SDCCAG8: variants seen among roughly 807,000 people sequenced by gnomAD.
The protein encoded by SDCCAG8 is serologically defined colon cancer antigen 8.
In SDCCAG8, 74 loss-of-function variants were observed where a neutral mutation model predicts 101.8. The ratio of observed to expected loss-of-function variants is 0.73; its 90% CI spans 0.60 to 0.88. The LOEUF (loss-of-function observed/expected upper bound fraction) is 0.88, where lower values mean the gene tolerates loss of function less well. Ranked by LOEUF, SDCCAG8 falls within the 40% of genes least tolerant of loss-of-function variation. The pLI is 0.00. For missense variants in SDCCAG8, 787 were observed against 822.6 expected (o/e 0.96, Z 0.53); for synonymous variants, 281 against 292.9 (o/e 0.96, Z 0.41).
At chr1:243,284,821 C>T (rs75627403) in intron 4 of SDCCAG8, among the ~76,000 whole-genome samples, 3,401 of 152,150 alleles carry the variant, frequency 0.022, 137 homozygotes, top group African/African-American at 0.077. Context: ...CTGTGAAAAC[C>T]TGGTAGTGTC....
intron 4 of SDCCAG8, among the ~76,000 whole-genome samples, chr1:243,283,395 G>A (rs2069250124): frequency 1.3e-5 from 1 of 78,452 alleles, no homozygotes; most frequent in South Asian, 7.8e-4. Context: ...TTGTGTCCCT[G>A]TTTATTTATA....
intron 6 of SDCCAG8, among the ~76,000 whole-genome samples, chr1:243,303,403 A>T (rs556698171): frequency 6.6e-6 from 1 of 152,232 alleles, no homozygotes; most frequent in East Asian, 1.9e-4. Flanking sequence ...AGAAATTACC[A>T]CGTGTTTCCA....
chr1:243,482,396 C>T (rs930842089), intron 16 of SDCCAG8, among the ~76,000 whole-genome samples: 1 of 152,170 alleles, frequency 6.6e-6, no homozygotes, highest in Admixed American at 6.5e-5. Flanking sequence ...CTTTAGAAAC[C>T]CGGGCGTGTT....
At position 243,350,062 on chromosome 1, in the gene SDCCAG8, G is replaced by A. The variant is rs139289880; in HGVS notation, c.1473+5731G>A. On this transcript the variant is annotated intron_variant, in intron 12 of 17. Coordinates refer to ENST00000366541, the MANE Select transcript of SDCCAG8 (RefSeq NM_006642.5). ...AGCAGTGATTCAGCACTTGGACACTGACATTAAGGATGGAGTGTAAGGACA... is the reference window on the plus strand; with the variant it reads ...AGCAGTGATTCAGCACTTGGACACTAACATTAAGGATGGAGTGTAAGGACA... 1.6e-3 allele frequency among the ~76,000 whole-genome samples: 237 copies of A among 152,298 alleles called. 2 individuals carry two copies. Among genetic ancestry groups the A allele is most frequent in the African/African-American group, 5.6e-3 (232 of 41,570 alleles).
chr1:243,422,638 G>C (rs2081085306), intron 15 of SDCCAG8, among the ~76,000 whole-genome samples: 1 of 152,086 alleles, frequency 6.6e-6, no homozygotes, highest in Non-Finnish European at 1.5e-5. Context: ...TGCATGTTTA[G>C]ATGATGTTAG....
intron 16 of SDCCAG8, among the ~76,000 whole-genome samples, chr1:243,464,466 A>T (rs760977965): frequency 6.6e-6 from 1 of 152,246 alleles, no homozygotes; most frequent in Admixed American, 6.5e-5. Context: ...TTAATATTTC[A>T]TCAGGCAAGT....
intron 1 of SDCCAG8, among the ~76,000 whole-genome samples, chr1:243,260,347 G>A (rs751204989): frequency 2.6e-5 from 4 of 152,134 alleles, no homozygotes; most frequent in Non-Finnish European, 4.4e-5. Flanking sequence ...TACTCTATGG[G>A]TAGTTATAAT....
Position 243,499,746 on chromosome 1 carries a change from T to C in SDCCAG8, c.2113-10T>C. On this transcript the variant is annotated splice_polypyrimidine_tract_variant and intron_variant, in intron 17 of 17. Transcript: ENST00000366541. ...AGCTATTGAAACTTACTTTTTATTA[T>C]TTTTTCCAGTTACCCAGCATGCCAC... 6.2e-7 allele frequency: 1 copy of C among 1,608,010 alleles called. No individual in the cohort carries two copies. The highest frequency in any genetic ancestry group is 8.5e-7 in the Non-Finnish European group (1 of 1,174,680).
At position 243,266,751 on chromosome 1, in the gene SDCCAG8, A is replaced by G. The variant is rs901986050; in HGVS notation, c.68-3354A>G. ...TGTATTTTTCTGTACTAAAAATACA[A>G]AAGTATTTGTCTCTATTATAAATAC... On this transcript the variant is annotated intron_variant, in intron 1 of 17. Coordinates refer to ENST00000366541, the MANE Select transcript of SDCCAG8 (RefSeq NM_006642.5). Among the ~76,000 whole-genome samples, 7 of 118,272 alleles carry G rather than the reference A, an allele frequency of 5.9e-5. No homozygotes were observed. The Admixed American group carries it at 7.3e-4, about 12-fold the overall frequency. 77.6% of individuals were successfully genotyped at this position (118,272 alleles called of 152,430 possible).
In SDCCAG8 at chr1:243,452,414, C is replaced by CTT. The variant is rs71574667; in HGVS notation, c.1985+25881_1985+25882dup. Among the ~76,000 whole-genome samples the CTT allele has an allele frequency of 3.7e-3, 248 of 66,674 alleles. 25 individuals are homozygous for CTT. Among genetic ancestry groups the CTT allele is most frequent in the Non-Finnish European group, 5.8e-3 (189 of 32,868 alleles). The allele number at this position is 66,674 out of a possible 152,430, so 43.7% of individuals were successfully genotyped here. ...CCCTACCCTTGAGATGATCTCATCTCTTTTTTTTTTTTTTTTTTTTTTTTT... is the reference window on the plus strand; with the variant it reads ...CCCTACCCTTGAGATGATCTCATCTCTTTTTTTTTTTTTTTTTTTTTTTTTTT... On this transcript the variant is annotated intron_variant, in intron 16 of 17. Coordinates refer to ENST00000366541, the MANE Select transcript of SDCCAG8 (RefSeq NM_006642.5).
intron 10 of SDCCAG8, chr1:243,338,935 C>T (rs2075204562): frequency 6.5e-6 from 1 of 153,710 alleles, no homozygotes; most frequent in Admixed American, 6.6e-5. Flanking sequence ...TGTTGACTTC[C>T]AGATGGTGGG....
intron 12 of SDCCAG8, among the ~76,000 whole-genome samples, chr1:243,356,830 GA>G (rs899119153): frequency 1.4e-4 from 21 of 147,782 alleles, no homozygotes; most frequent in East Asian, 4.0e-4. Flanking sequence ...ACAAAAAAAA[GA>G]AAAAAAAAAT....
intron 13 of SDCCAG8, among the ~76,000 whole-genome samples, chr1:243,385,965 A>G (rs1004040318): frequency 2.0e-5 from 3 of 152,204 alleles, no homozygotes; most frequent in South Asian, 4.1e-4. Context: ...GTGAAGCTCC[A>G]TCTCAAAAAC....
At chr1:243,371,597 C>A (rs1418580205) in intron 12 of SDCCAG8, among the ~76,000 whole-genome samples, 2 of 152,130 alleles carry the variant, frequency 1.3e-5, no homozygotes, top group South Asian at 2.1e-4. Context: ...ACAATGGTAA[C>A]CGTGAACAGG....
intron 16 of SDCCAG8, among the ~76,000 whole-genome samples, chr1:243,483,288 C>T (rs1447728218): frequency 1.3e-5 from 2 of 152,090 alleles, no homozygotes; most frequent in Admixed American, 6.5e-5. Flanking sequence ...GCGCCCTCGT[C>T]CCCGCAGCAG....
At chr1:243,496,424 T>C (rs1190791575) in intron 17 of SDCCAG8, among the ~76,000 whole-genome samples, 1 of 151,916 alleles carries the variant, frequency 6.6e-6, no homozygotes, top group Non-Finnish European at 1.5e-5. Flanking sequence ...CAGATGGAGG[T>C]AGGGGGAGGG....
chr1:243,484,839 T>A (rs1289345259), intron 16 of SDCCAG8, among the ~76,000 whole-genome samples: 2 of 151,904 alleles, frequency 1.3e-5, no homozygotes, highest in Non-Finnish European at 2.9e-5. Context: ...AGGTCAGGAG[T>A]TAGAGACCAG....
Position 243,474,723 on chromosome 1 carries a change from G to T in SDCCAG8, c.1986-14291G>T, listed in dbSNP as rs1290768214. ...GCGTGGGGTGGAAGGCAGGCTGGGA[G>T]CTCCCGGGACGCGGCGTGGCAGCGC... is the stretch of plus-strand genomic sequence containing the variant. On this transcript the variant is annotated intron_variant, in intron 16 of 17. Coordinates refer to ENST00000366541, the MANE Select transcript of SDCCAG8 (RefSeq NM_006642.5). The surrounding 1 kb of genome is among the most constrained non-coding windows in gnomAD (Gnocchi z 4.7). Among the ~76,000 whole-genome samples the T allele has an allele frequency of 6.6e-6, 1 of 152,224 alleles. No individual in the cohort carries two copies. The highest frequency in any genetic ancestry group is 2.4e-5 in the African/African-American group (1 of 41,470).
chr1:243,470,422 C>T (rs1053210888), intron 16 of SDCCAG8, among the ~76,000 whole-genome samples: 6 of 151,962 alleles, frequency 3.9e-5, no homozygotes, highest in Non-Finnish European at 8.8e-5. Flanking sequence ...CCCAACTGCT[C>T]TAAGTTACAA....
Sources: allele counts gnomAD v4.1 joint callset (sites outside exome capture counted in the v4.1 genomes callset), GRCh38; gene constraint gnomAD v4.1.1; non-coding constraint Gnocchi (gnomAD v3.1); transcripts MANE v1.5; gene names NCBI Gene and HGNC (gene_info 2026-07-23, HGNC 2026-07-21).